EGF: variants seen among roughly 807,000 people sequenced by gnomAD.
EGF encodes the protein epidermal growth factor, also known as pro-epidermal growth factor.
A neutral mutation model predicts 143.8 loss-of-function variants in EGF; 95 were observed. The ratio of observed to expected loss-of-function variants is 0.66; its 90% CI spans 0.56 to 0.78. EGF has a LOEUF of 0.78. Ranked by LOEUF, EGF falls within the 30% of genes least tolerant of loss-of-function variation. EGF has a pLI of 0.00. For synonymous variants in EGF, 510 were observed against 510.5 expected (o/e 1.00, Z 0.01); for missense variants, 1,320 against 1,470.9 (o/e 0.90, Z 1.68).
At chr4:109,914,072 A>G (rs952961813) in intron 1 of EGF, among the ~76,000 whole-genome samples, 1 of 152,168 alleles carries the variant, frequency 6.6e-6, no homozygotes, top group African/African-American at 2.4e-5. Flanking sequence ...AAATATGATA[A>G]TGGGTAAATA....
At position 109,945,072 on chromosome 4, in the gene EGF, G is replaced by A; in HGVS notation, c.738-1G>A. On this transcript the variant is annotated splice_acceptor_variant, in intron 4 of 23. Coordinates refer to ENST00000265171, the MANE Select transcript of EGF (RefSeq NM_001963.6). LOFTEE classifies it high-confidence loss of function. ...TTTTTTCTTTTGTGGTTGCTTTTTAGGCATAATTTGTTTGCAATGTCCCTT... is the reference window on the plus strand; with the variant it reads ...TTTTTTCTTTTGTGGTTGCTTTTTAAGCATAATTTGTTTGCAATGTCCCTT... The A allele has an allele frequency of 2.5e-6, 4 of 1,613,976 alleles. No homozygotes were observed. The highest frequency in any genetic ancestry group is 3.4e-6 in the Non-Finnish European group (4 of 1,179,992).
chr4:109,976,256 A>AT (rs1560722730), intron 13 of EGF, 21 bp downstream of exon 13: 3 of 1,601,474 alleles, frequency 1.9e-6, no homozygotes, highest in Non-Finnish European at 1.7e-6. Context: ...GGGATGGGCG[A>AT]TTTTTTCATC....
chr4:109,969,174 A>G (rs1747163600), intron 11 of EGF, 55 bp downstream of exon 11: 3 of 1,608,990 alleles, frequency 1.9e-6, no homozygotes, highest in Middle Eastern at 3.3e-4. Flanking sequence ...TGGGATAGGT[A>G]ATACTATTGG....
intron 18 of EGF, among the ~76,000 whole-genome samples, 169 bp from the exon 19 acceptor site, chr4:109,993,078 C>G (rs1426715998): frequency 6.6e-6 from 1 of 151,978 alleles, no homozygotes; most frequent in African/African-American, 2.4e-5. Context: ...CATGTGAACC[C>G]TAGAACTTTA....
chr4:109,923,643 A>T lies in EGF; in HGVS notation c.127+10181A>T, dbSNP rs376373646. On this transcript the variant is annotated intron_variant, in intron 1 of 23. Coordinates refer to ENST00000265171, the MANE Select transcript of EGF (RefSeq NM_001963.6). Reference sequence around the variant, plus strand: ...AATTATTTTTATTATTTTTTGAGACAGGGTCTCACTCTTGTCACCCAGGCT... The same window carrying T: ...AATTATTTTTATTATTTTTTGAGACTGGGTCTCACTCTTGTCACCCAGGCT... Among the ~76,000 whole-genome samples, 10 of 151,632 alleles carry T rather than the reference A, an allele frequency of 6.6e-5. No individual in the cohort carries two copies. The South Asian group carries it at 8.3e-4, about 13-fold the overall frequency.
intron 11 of EGF, among the ~76,000 whole-genome samples, chr4:109,974,277 A>G (rs6811428): frequency 0.017 from 2,639 of 152,252 alleles, 69 homozygotes; most frequent in African/African-American, 0.06. Context: ...AGCCAATGTA[A>G]ATCTCCACCT....
intron 10 of EGF, chr4:109,968,707 T>TACCTACCTACCTAC (rs1578292119): frequency 0.017 from 6,133 of 351,136 alleles, 316 homozygotes; most frequent in South Asian, 0.11. Context: ...TATCTATCTA[T>TACCTACCTACCTAC]CTACCTACCT....
chr4:109,957,925 G>A (rs1444054492), intron 5 of EGF, among the ~76,000 whole-genome samples: 1 of 152,150 alleles, frequency 6.6e-6, no homozygotes, highest in East Asian at 1.9e-4. Flanking sequence ...GCTTGCTACT[G>A]TATTTCTCAT....
intron 22 of EGF, 127 bp downstream of exon 22, chr4:110,004,749 GC>G (rs2126188449): frequency 2.4e-6 from 1 of 420,130 alleles, no homozygotes; most frequent in East Asian, 8.3e-5. Context: ...GTCAGTGTTA[GC>G]CAAGACCACA....
At chr4:109,927,558 A>C (rs891100099) in intron 1 of EGF, among the ~76,000 whole-genome samples, 2 of 151,964 alleles carry the variant, frequency 1.3e-5, no homozygotes, top group Middle Eastern at 3.2e-3. Flanking sequence ...CCCCGTCTCT[A>C]CTAAAAACAC....
Position 109,919,297 on chromosome 4 carries a change from C to G in EGF, c.127+5835C>G, listed in dbSNP as rs1446899875. Among the ~76,000 whole-genome samples the G allele has an allele frequency of 6.0e-3, 654 of 108,452 alleles. 5 individuals are homozygous for G. The highest frequency in any genetic ancestry group is 0.022 in the African/African-American group (569 of 26,052). 71.1% of individuals were successfully genotyped at this position (108,452 alleles called of 152,430 possible). A position where few individuals can be genotyped will look rare whatever the true frequency, so the allele number is the denominator to read the frequency against. On this transcript the variant is annotated intron_variant, in intron 1 of 23. Transcript: ENST00000265171. ...AATGCATGCTTCTCTGTCTCTCTCT[C>G]TCTCTCTCTCTCTCTCTCTCTCTCT...
intron 1 of EGF, among the ~76,000 whole-genome samples, chr4:109,917,133 G>C (rs113923073): frequency 0.045 from 6,889 of 152,264 alleles, 233 homozygotes; most frequent in Middle Eastern, 0.1. Context: ...CAAGCCACTT[G>C]AAAGTGATAG....
At chr4:109,953,523 A>G (rs1449715678) in intron 5 of EGF, among the ~76,000 whole-genome samples, 1 of 152,234 alleles carries the variant, frequency 6.6e-6, no homozygotes, top group Non-Finnish European at 1.5e-5. Context: ...CGTGTTTTCA[A>G]AATAAAGAGT....
rs150875667 is a variant in EGF at position 109,928,213 on chromosome 4, G to T, written c.128-12733G>T. ...GAAAGGCCAGTCTTTTTCAACAAAG[G>T]GTGTTGGACCAATTAGACATCTATA... On this transcript the variant is annotated intron_variant, in intron 1 of 23. Transcript: ENST00000265171. Among the ~76,000 whole-genome samples, 458 of 152,136 alleles carry T rather than the reference G, an allele frequency of 3.0e-3. 5 individuals are homozygous for T. Among genetic ancestry groups the T allele is most frequent in the Non-Finnish European group, 5.4e-3 (367 of 68,000 alleles).
In EGF at chr4:109,970,667, A is replaced by G. The variant is rs1051255110; in HGVS notation, c.1724+1548A>G. On this transcript the variant is annotated intron_variant, in intron 11 of 23. Coordinates refer to ENST00000265171, the MANE Select transcript of EGF (RefSeq NM_001963.6). ...TGGTGAAACCCCGTCTCTACTAAAA[A>G]TACAAAAAATTAGCCGGGCGGGTGG... Among the ~76,000 whole-genome samples, 10 of 152,052 alleles carry G rather than the reference A, an allele frequency of 6.6e-5. 1 individual carries two copies. Among genetic ancestry groups the G allele is most frequent in the Admixed American group, 5.9e-4 (9 of 15,272 alleles).
At chr4:109,980,300 A>G (rs1749152760) in intron 14 of EGF, among the ~76,000 whole-genome samples, 161 bp downstream of exon 14, 2 of 152,148 alleles carry the variant, frequency 1.3e-5, no homozygotes, top group African/African-American at 4.8e-5. Flanking sequence ...GTTTAAGACA[A>G]TCTGGTAGTT....
rs140042569 is a variant in EGF at position 109,951,408 on chromosome 4, C to T, written c.940+6133C>T. Among the ~76,000 whole-genome samples, 228 of 152,040 alleles carry T rather than the reference C, an allele frequency of 1.5e-3. 1 individual carries two copies. The highest frequency in any genetic ancestry group is 5.2e-3 in the African/African-American group (217 of 41,512). ...AAGTGAAAAAAAATTCTTTGGCACTCTATCTCCTAAATAATATAATAAGGA... is the reference window on the plus strand; with the variant it reads ...AAGTGAAAAAAAATTCTTTGGCACTTTATCTCCTAAATAATATAATAAGGA... On this transcript the variant is annotated intron_variant, in intron 5 of 23. Coordinates refer to ENST00000265171, the MANE Select transcript of EGF (RefSeq NM_001963.6).
chr4:109,973,619 C>T (rs1043957473), intron 11 of EGF, among the ~76,000 whole-genome samples: 15 of 151,644 alleles, frequency 9.9e-5, no homozygotes, highest in African/African-American at 3.6e-4. Context: ...TCCTCCTTCC[C>T]TTTCCCTCCA....
chr4:109,925,876 G>GAACA (rs1300487737), intron 1 of EGF, among the ~76,000 whole-genome samples: 3 of 152,264 alleles, frequency 2.0e-5, no homozygotes, highest in African/African-American at 7.2e-5. Context: ...AGATCACAGA[G>GAACA]AACACCACAG....
Sources: allele counts gnomAD v4.1 joint callset (sites outside exome capture counted in the v4.1 genomes callset), GRCh38; gene constraint gnomAD v4.1.1; transcripts MANE v1.5; gene names NCBI Gene and HGNC (gene_info 2026-07-23, HGNC 2026-07-21).